Variants in CTNNA1 observed in about 807,000 individuals in gnomAD.
CTNNA1 encodes the protein catenin alpha-1.
A neutral mutation model predicts 98.4 loss-of-function variants in CTNNA1; 37 were observed. That is an observed-to-expected ratio of 0.38 (90% CI 0.29 to 0.49). The LOEUF is 0.49. CTNNA1 is among the 20% of genes least tolerant of loss of function. CTNNA1 has a pLI of 0.95. For synonymous variants in CTNNA1, 404 were observed against 413.2 expected, an observed-to-expected ratio of 0.98 and a Z score of 0.27; for missense variants, 761 against 1,147.2, an observed-to-expected ratio of 0.66 and a Z score of 4.86.
intron 7 of CTNNA1, among the ~76,000 whole-genome samples, chr5:138,863,150 G>T (rs1394857136): frequency 8.0e-5 from 12 of 150,266 alleles, no homozygotes; most frequent in African/African-American, 2.2e-4. Flanking sequence ...AATCTAGGTG[G>T]TTTTTTTTTA....
chr5:138,812,281 T>C lies in CTNNA1; in HGVS notation c.567T>C (p.Ile189=), dbSNP rs1170153170. ...AACCTGAAGTGGATAAGCTGAACAT[T>C]ATGGCAGCCAAAAGACAACAGGTAC... ...ALKPEVDKLN[I]MAAKRQQELK... Residue 189 remains isoleucine (I), a synonymous_variant, in exon 5 of 18, where the codon ATT becomes ATC. Transcript: ENST00000302763. 6.2e-7 allele frequency: 1 copy of C among 1,613,564 alleles called. No homozygotes were observed. Among genetic ancestry groups the C allele is most frequent in the Non-Finnish European group, 8.5e-7 (1 of 1,179,830 alleles).
intron 7 of CTNNA1, among the ~76,000 whole-genome samples, chr5:138,854,087 A>T (rs1291823786): frequency 6.6e-6 from 1 of 152,230 alleles, no homozygotes; most frequent in African/African-American, 2.4e-5. Flanking sequence ...TTTCACAATT[A>T]TCATTGATAT....
At chr5:138,908,278 G>A (rs1252956542) in intron 10 of CTNNA1, among the ~76,000 whole-genome samples, 1 of 152,092 alleles carries the variant, frequency 6.6e-6, no homozygotes, top group East Asian at 1.9e-4. Context: ...TTTAAAGTTT[G>A]CCCTATAGCA....
At chr5:138,850,226 C>T (rs1763071152) in intron 7 of CTNNA1, among the ~76,000 whole-genome samples, 1 of 152,160 alleles carries the variant, frequency 6.6e-6, no homozygotes, top group Admixed American at 6.6e-5. Flanking sequence ...TTGTGCTCTC[C>T]CTGTCTTCTA....
intron 6 of CTNNA1, among the ~76,000 whole-genome samples, chr5:138,825,531 A>T (rs1299413869): frequency 1.5e-3 from 16 of 10,866 alleles, no homozygotes; most frequent in Non-Finnish European, 2.4e-3. Flanking sequence ...GGGCTAATTA[A>T]AAAAAAAAAA....
intron 7 of CTNNA1, among the ~76,000 whole-genome samples, chr5:138,863,733 G>A (rs187080138): frequency 6.6e-5 from 10 of 152,274 alleles, no homozygotes; most frequent in Admixed American, 1.3e-4. Context: ...TTTAATAATC[G>A]CAAGGCTGAT....
chr5:138,864,925 T>C (rs1303587841), intron 7 of CTNNA1, among the ~76,000 whole-genome samples: 1 of 152,086 alleles, frequency 6.6e-6, no homozygotes, highest in African/African-American at 2.4e-5. Context: ...AGCAGTTCTC[T>C]GCCTCAGCCT....
chr5:138,907,424 G>A (rs765397211), intron 10 of CTNNA1, among the ~76,000 whole-genome samples: 6 of 152,194 alleles, frequency 3.9e-5, no homozygotes, highest in Non-Finnish European at 5.9e-5. Flanking sequence ...CTTTGAGGAG[G>A]ATAACTCAAA....
intron 3 of CTNNA1, among the ~76,000 whole-genome samples, chr5:138,786,741 T>G (rs1353012489): frequency 2.6e-5 from 4 of 152,188 alleles, no homozygotes; most frequent in Non-Finnish European, 5.9e-5. Context: ...GTCAAGCATG[T>G]GAGTGAACCA....
intron 7 of CTNNA1, among the ~76,000 whole-genome samples, chr5:138,868,730 T>C (rs116804110): frequency 0.011 from 1,691 of 152,272 alleles, 26 homozygotes; most frequent in African/African-American, 0.039. Context: ...TTTCTTCTTA[T>C]CCTAGTTTTA....
intron 1 of CTNNA1, among the ~76,000 whole-genome samples, chr5:138,770,530 T>C (rs1753425087): frequency 6.6e-6 from 1 of 152,222 alleles, no homozygotes; most frequent in South Asian, 2.1e-4. Context: ...ACACTGGCCT[T>C]CTCTTTCTGT....
chr5:138,842,572 A>G (rs28363424), intron 7 of CTNNA1, among the ~76,000 whole-genome samples: 1 of 152,290 alleles, frequency 6.6e-6, no homozygotes, highest in East Asian at 1.9e-4. Flanking sequence ...AAAGTTTTTC[A>G]GTTAAGGAAA....
At chr5:138,805,182 T>C (rs933601914) in intron 3 of CTNNA1, among the ~76,000 whole-genome samples, 1 of 152,210 alleles carries the variant, frequency 6.6e-6, no homozygotes, top group African/African-American at 2.4e-5. Flanking sequence ...ACCACTCTTA[T>C]GATCCACTCA....
At chr5:138,825,428 T>C (rs377655707) in intron 6 of CTNNA1, among the ~76,000 whole-genome samples, 1 of 146,736 alleles carries the variant, frequency 6.8e-6, no homozygotes, top group East Asian at 2.2e-4. Flanking sequence ...GGTTATGTGT[T>C]CTTAATTCCT....
intron 7 of CTNNA1, among the ~76,000 whole-genome samples, chr5:138,831,981 A>C (rs1258319606): frequency 1.3e-5 from 2 of 152,216 alleles, no homozygotes; most frequent in Non-Finnish European, 1.5e-5. Context: ...CAGTGGATGA[A>C]GGAGGAGGCT....
chr5:138,871,286 TG>T (rs1354660658), intron 7 of CTNNA1: 2 of 152,210 alleles, frequency 1.3e-5, no homozygotes, highest in South Asian at 2.1e-4. Context: ...ATACAGTAAA[TG>T]GCAGTTGTAA....
chr5:138,872,860 A>T (rs1750807048), intron 7 of CTNNA1: 1 of 527,802 alleles, frequency 1.9e-6, no homozygotes, highest in Admixed American at 3.6e-5. Context: ...TTAAAAAATT[A>T]AAAATACTTC....
At chr5:138,932,739 G>A in intron 17 of CTNNA1, 27 bp downstream of exon 17, 1 of 1,613,604 alleles carries the variant, frequency 6.2e-7, no homozygotes, top group Non-Finnish European at 8.5e-7. Flanking sequence ...CAAAAAGAGG[G>A]CCAGTGGGAA....
intron 9 of CTNNA1, among the ~76,000 whole-genome samples, chr5:138,901,110 T>A (rs1350097355): frequency 1.3e-5 from 2 of 152,254 alleles, no homozygotes; most frequent in East Asian, 3.9e-4. Context: ...CTGCTCCAAG[T>A]GTTTTTCTTT....
Sources: gnomAD v4.1 joint callset for allele counts (sites outside exome capture counted in the v4.1 genomes callset) on GRCh38, gnomAD v4.1.1 for gene constraint, MANE v1.5 for transcripts, NCBI Gene and HGNC (gene_info 2026-07-23, HGNC 2026-07-21) for gene names.